The following DNAH11 variants were observed in gnomAD, a reference collection of about 807,000 sequenced individuals.
The protein encoded by DNAH11 is dynein axonemal heavy chain 11.
DNAH11 carries 442 observed loss-of-function variants against 526.0 expected under a neutral mutation model. That is an observed-to-expected ratio of 0.84 (90% confidence interval 0.78 to 0.91). The LOEUF (loss-of-function observed/expected upper bound fraction) is 0.91, where lower values mean the gene tolerates loss of function less well. Ranked by LOEUF, DNAH11 falls within the 40% of genes least tolerant of loss-of-function variation. The probability of loss-of-function intolerance (pLI) is 0.00; values close to 1 mark genes in which losing one functional copy is unlikely to be tolerated. For synonymous variants in DNAH11, 2,461 were observed against 1,935.9 expected, an observed-to-expected ratio of 1.27 and a Z score of -7.12; for missense variants, 6,989 against 5,448.7, an observed-to-expected ratio of 1.28 and a Z score of -8.90.
intron 30 of DNAH11, among the ~76,000 whole-genome samples, chr7:21,674,650 C>G (rs1782795513): frequency 6.6e-6 from 1 of 151,964 alleles, no homozygotes; most frequent in African/African-American, 2.4e-5. Context: ...CTTTTCTTTT[C>G]CTCTTTTCTT....
intron 48 of DNAH11, among the ~76,000 whole-genome samples, chr7:21,740,408 C>A (rs77435723): frequency 0.048 from 7,376 of 152,198 alleles, 249 homozygotes; most frequent in East Asian, 0.19. Flanking sequence ...CCCTGGCAAC[C>A]ACCATTCTAC....
chr7:21,574,603 G>A lies in DNAH11; in HGVS notation c.1593+2630G>A, dbSNP rs1442624445. On this transcript the variant is annotated intron_variant, in intron 8 of 81. Transcript: ENST00000409508. ...TTTTAAGACAGAGTCTCACTCTGTC[G>A]CCCAGGCTGGAGTGCAATGGTGCGA... Among the ~76,000 whole-genome samples, 35 of 123,968 alleles carry A rather than the reference G, an allele frequency of 2.8e-4. 1 individual carries two copies. The highest frequency in any genetic ancestry group is 8.6e-4 in the African/African-American group (27 of 31,432). The allele number at this position is 123,968 out of a possible 152,430, so 81.3% of individuals were successfully genotyped here.
At chr7:21,822,229 C>A (rs1166343288) in intron 65 of DNAH11, among the ~76,000 whole-genome samples, 1 of 152,108 alleles carries the variant, frequency 6.6e-6, no homozygotes, top group Non-Finnish European at 1.5e-5. Flanking sequence ...ACAGTGCCAG[C>A]ATCTGCTTCT....
intron 30 of DNAH11, among the ~76,000 whole-genome samples, chr7:21,677,594 A>C (rs970560005): frequency 1.3e-5 from 2 of 152,166 alleles, no homozygotes; most frequent in African/African-American, 4.8e-5. Context: ...CCCATTGGCC[A>C]GGCTGGTCTT....
intron 65 of DNAH11, among the ~76,000 whole-genome samples, chr7:21,839,730 TA>T (rs1193742345): frequency 1.3e-5 from 2 of 152,168 alleles, no homozygotes; most frequent in Non-Finnish European, 2.9e-5. Flanking sequence ...ATAAAGTGAA[TA>T]AATTCACCAT....
At chr7:21,677,056 A>T (rs1343371343) in intron 30 of DNAH11, among the ~76,000 whole-genome samples, 5 of 152,174 alleles carry the variant, frequency 3.3e-5, no homozygotes, top group Non-Finnish European at 2.9e-5. Context: ...AATCTAGGGG[A>T]TGATGAGCAG....
At chr7:21,637,205 CCTCTCTTTCTCCCTTT>C (rs1436949454) in intron 26 of DNAH11, among the ~76,000 whole-genome samples, 3 of 151,800 alleles carry the variant, frequency 2.0e-5, no homozygotes, top group Non-Finnish European at 4.4e-5. Context: ...TCTCTCCCTT[CCTCTCTTTCTCCCTTT>C]CTCTCTCCTT....
At chr7:21,879,031 G>A (rs1280550674) in intron 74 of DNAH11, among the ~76,000 whole-genome samples, 6 of 152,136 alleles carry the variant, frequency 3.9e-5, no homozygotes, top group African/African-American at 1.4e-4. Context: ...TCTGAACATG[G>A]GTGAAATATG....
intron 55 of DNAH11, among the ~76,000 whole-genome samples, chr7:21,771,007 G>T (rs1255090546): frequency 6.6e-6 from 1 of 152,034 alleles, no homozygotes; most frequent in Non-Finnish European, 1.5e-5. Flanking sequence ...AGCCCTAAAA[G>T]GAGCAAAAAG....
At chr7:21,771,053 T>C (rs1398030605) in intron 55 of DNAH11, among the ~76,000 whole-genome samples, 2 of 152,236 alleles carry the variant, frequency 1.3e-5, no homozygotes, top group Non-Finnish European at 1.5e-5. Flanking sequence ...GTTTGACATA[T>C]TTAAAATTTA....
chr7:21,835,223 C>G (rs1461908321), intron 65 of DNAH11, among the ~76,000 whole-genome samples: 1 of 87,566 alleles, frequency 1.1e-5, no homozygotes, highest in Non-Finnish European at 2.4e-5. Flanking sequence ...CAGACTATTC[C>G]AAAAAAAAAA....
intron 66 of DNAH11, 109 bp downstream of exon 66, chr7:21,842,857 A>G: frequency 1.0e-6 from 1 of 954,766 alleles, no homozygotes; most frequent in East Asian, 2.7e-5. Flanking sequence ...AGAATCCTGC[A>G]ACCTAATTGG....
At chr7:21,764,128 T>G (rs1311279871) in intron 54 of DNAH11, among the ~76,000 whole-genome samples, 1 of 152,162 alleles carries the variant, frequency 6.6e-6, no homozygotes, top group African/African-American at 2.4e-5. Flanking sequence ...GCGCTGGACT[T>G]ACAGTTAACA....
intron 65 of DNAH11, among the ~76,000 whole-genome samples, chr7:21,840,509 A>C (rs1782165118): frequency 6.6e-6 from 1 of 152,180 alleles, no homozygotes; most frequent in Non-Finnish European, 1.5e-5. Context: ...CCATGCCTCT[A>C]GGCCTCATAA....
intron 48 of DNAH11, 103 bp downstream of exon 48, chr7:21,739,776 A>G: frequency 1.2e-6 from 1 of 847,236 alleles, no homozygotes; most frequent in Non-Finnish European, 1.9e-6. Context: ...CACGTTTCTC[A>G]TGGCAGCTGT....
intron 14 of DNAH11, among the ~76,000 whole-genome samples, chr7:21,594,806 G>A (rs1784808390): frequency 1.3e-5 from 2 of 152,138 alleles, no homozygotes; most frequent in African/African-American, 4.8e-5. Context: ...GCTGCGTGGT[G>A]AGGGACTGGC....
chr7:21,811,274 C>A (rs1238696602), intron 63 of DNAH11, among the ~76,000 whole-genome samples: 2 of 151,446 alleles, frequency 1.3e-5, no homozygotes, highest in African/African-American at 4.9e-5. Context: ...ACCAGCCTGG[C>A]CAACATGGTG....
chr7:21,744,939 C>A lies in DNAH11; in HGVS notation c.8386C>A (p.Pro2796Thr). 4.3e-6 allele frequency: 7 copies of A among 1,610,700 alleles called. No individual in the cohort carries two copies. The highest frequency in any genetic ancestry group is 5.9e-6 in the Non-Finnish European group (7 of 1,178,506). ...YCHFADRGKD[P>T]HYMPVKDWEV... ...CCACTTTGCTGATAGAGGGAAGGAC[C>A]CACATTACATGCCAGTGAAGGACTG... The change falls in exon 51 of 82, where the codon CCA becomes ACA. Residue 2796 changes from proline to threonine, a missense_variant. By Grantham distance (38) the Pro-to-Thr change is conservative. Transcript: ENST00000409508.
chr7:21,610,860 A>C (rs1393072865), intron 20 of DNAH11, among the ~76,000 whole-genome samples: 1 of 152,248 alleles, frequency 6.6e-6, no homozygotes, highest in Non-Finnish European at 1.5e-5. Flanking sequence ...TAAGGGACGC[A>C]TAGAAAGAAG....
Sources: gnomAD v4.1 joint callset for allele counts (sites outside exome capture counted in the v4.1 genomes callset) on GRCh38, gnomAD v4.1.1 for gene constraint, MANE v1.5 for transcripts, NCBI Gene and HGNC (gene_info 2026-07-23, HGNC 2026-07-21) for gene names.